The following PSG2 variants were observed in gnomAD, a reference collection of about 807,000 sequenced individuals.
PSG2 encodes pregnancy specific beta-1-glycoprotein 2.
Under a neutral mutation model 36.2 loss-of-function variants are expected in PSG2, and 49 were observed. The observed-to-expected ratio is 1.35, with a 90% CI of 1.08 to 1.72. The LOEUF (loss-of-function observed/expected upper bound fraction) is 1.72. Among genes scored for constraint, PSG2 ranks in the 40% most tolerant of loss-of-function variants. The probability of loss-of-function intolerance (pLI) is 0.00; values close to 1 mark genes in which losing one functional copy is unlikely to be tolerated. For missense variants in PSG2, 605 were observed against 407.2 expected (o/e 1.49, Z -4.18); for synonymous variants, 261 against 155.6 (o/e 1.68, Z -5.04).
chr19:43,068,927 TTC>T (rs1357572851), intron 4 of PSG2, among the ~76,000 whole-genome samples: 3 of 151,642 alleles, frequency 2.0e-5, no homozygotes, highest in African/African-American at 7.3e-5. Context: ...GTAAAATTAT[TTC>T]TGTTTATAGA....
chr19:43,064,871 A>G (rs1042331238), intron 5 of PSG2, among the ~76,000 whole-genome samples: 6 of 151,776 alleles, frequency 4.0e-5, no homozygotes, highest in African/African-American at 1.5e-4. Context: ...TCACTCTGTC[A>G]CCCAGACTGG....
chr19:43,082,122 C>CTCTTTTTT (rs1967987456), intron 1 of PSG2: 1 of 67,942 alleles, frequency 1.5e-5, no homozygotes, highest in Non-Finnish European at 2.7e-5. Flanking sequence ...TTTCTTCTCT[C>CTCTTTTTT]TTTTTTTTTT....
At chr19:43,079,138 G>T (rs1284551158) in intron 2 of PSG2, among the ~76,000 whole-genome samples, 1 of 151,636 alleles carries the variant, frequency 6.6e-6, no homozygotes, top group Non-Finnish European at 1.5e-5. Flanking sequence ...GCAGGACAGG[G>T]CTTGCCAGTC....
chr19:43,080,043 T>A (rs565109948), intron 2 of PSG2, among the ~76,000 whole-genome samples: 1 of 151,862 alleles, frequency 6.6e-6, no homozygotes, highest in East Asian at 1.9e-4. Context: ...GTATTCACAG[T>A]CACTTGATCT....
At chr19:43,076,684 G>A (rs1967900759) in intron 2 of PSG2, among the ~76,000 whole-genome samples, 1 of 151,634 alleles carries the variant, frequency 6.6e-6, no homozygotes, top group Admixed American at 6.6e-5. Flanking sequence ...AGGGGAATAG[G>A]GCGTTGTTCT....
intron 2 of PSG2, among the ~76,000 whole-genome samples, chr19:43,079,031 G>T (rs534818314): frequency 6.6e-6 from 1 of 151,664 alleles, no homozygotes; most frequent in African/African-American, 2.4e-5. Context: ...TTCCTGGGAG[G>T]TTGGCTAGGC....
At chr19:43,068,466 A>G (rs1473127489) in intron 4 of PSG2, among the ~76,000 whole-genome samples, 10 of 147,062 alleles carry the variant, frequency 6.8e-5, no homozygotes, top group Admixed American at 2.0e-4. Flanking sequence ...AAAAAAAAAA[A>G]AAAGAAAGAA....
chr19:43,069,042 G>T (rs117445218), intron 4 of PSG2, among the ~76,000 whole-genome samples: 3 of 151,424 alleles, frequency 2.0e-5, no homozygotes, highest in Non-Finnish European at 4.4e-5. Context: ...GCATTCAAAC[G>T]TCAGTTGTAT....
chr19:43,073,693 G>A (rs1284142919), intron 3 of PSG2, among the ~76,000 whole-genome samples: 1 of 151,656 alleles, frequency 6.6e-6, no homozygotes, highest in South Asian at 2.1e-4. Context: ...AGAATCAGAA[G>A]TTGTTCATGG....
chr19:43,066,933 G>T (rs547148191), intron 4 of PSG2, among the ~76,000 whole-genome samples: 1 of 151,472 alleles, frequency 6.6e-6, no homozygotes, highest in South Asian at 2.1e-4. Context: ...TTTTCTCGGT[G>T]TTTCTGTTGT....
chr19:43,081,324 A>T (rs114194299), intron 1 of PSG2, 78 bp from the exon 2 acceptor site: 157,591 of 1,474,442 alleles, frequency 0.11, 10,183 homozygotes, highest in Admixed American at 0.18. Flanking sequence ...GGTCCTGAGG[A>T]GGTCTCTTCA....
intron 5 of PSG2, among the ~76,000 whole-genome samples, chr19:43,064,861 T>G (rs1387554732): frequency 6.6e-6 from 1 of 151,808 alleles, no homozygotes; most frequent in Non-Finnish European, 1.5e-5. Context: ...AGATGGAGTC[T>G]CACTCTGTCA....
At chr19:43,071,630 T>C (rs1042171818) in intron 4 of PSG2, 70 bp downstream of exon 4, 8 of 1,612,194 alleles carry the variant, frequency 5.0e-6, no homozygotes, top group African/African-American at 2.7e-5. Flanking sequence ...AATGTTTTCC[T>C]GACTCTTCTC....
At chr19:43,068,021 C>A (rs7245718) in intron 4 of PSG2, among the ~76,000 whole-genome samples, 2,067 of 150,956 alleles carry the variant, frequency 0.014, 76 homozygotes, top group African/African-American at 0.046. Flanking sequence ...AGAACGGAAA[C>A]AGAATAGAGG....
chr19:43,081,189 T>C lies in PSG2; in HGVS notation c.122A>G (p.Gln41Arg). 1 of 1,612,772 alleles carries C rather than the reference T, an allele frequency of 6.2e-7. No individual in the cohort carries two copies. The highest frequency in any genetic ancestry group is 8.5e-7 in the Non-Finnish European group (1 of 1,179,628). The change falls in exon 2 of 6, where the codon CAG (glutamine) becomes CGG (arginine). Residue 41 changes from glutamine to arginine, a missense_variant. By Grantham distance (43) the Gln-to-Arg change is conservative. Coordinates refer to ENST00000406487, the MANE Select transcript of PSG2 (RefSeq NM_031246.4). ...PTTAQVTIEA[Q>R]PPKVSEGKDV... ...CTTCCCCTCGGAAACTTTTGGTGGC[T>C]GGGCTTCAATCGTGACTTGGGCAGT...
At chr19:43,072,913 C>G (rs1413033956) in intron 3 of PSG2, among the ~76,000 whole-genome samples, 1 of 151,832 alleles carries the variant, frequency 6.6e-6, no homozygotes, top group East Asian at 1.9e-4. Context: ...CCCCAGTACC[C>G]CTCCCAGTCT....
rs1064918 is a variant in PSG2 at position 43,075,486 on chromosome 19, A to T, written c.577T>A (p.Phe193Ile). ...GTCCTGTTGGTTTCGGACAGCTGAA[A>T]CCTATGAGTCATAGGGAGGCTCTGA... ...NGQSLPMTHR[F>I]QLSETNRTLF... The change falls in exon 3 of 6, where the codon TTT becomes ATT. Residue 193 changes from phenylalanine to isoleucine, a missense_variant. Physicochemically the swap from Phe to Ile is conservative, Grantham distance 21. Transcript: ENST00000406487. The T allele has an allele frequency of 8.7e-6, 14 of 1,612,932 alleles. No individual in the cohort carries two copies. Among genetic ancestry groups the T allele is most frequent in the African/African-American group, 1.3e-5 (1 of 74,368 alleles).
At chr19:43,065,762 C>G (rs1216194422) in intron 5 of PSG2, 1 of 151,788 alleles carries the variant, frequency 6.6e-6, no homozygotes, top group Non-Finnish European at 1.5e-5. Flanking sequence ...CTCAACCACA[C>G]ATAGGTTGTG....
intron 5 of PSG2, 78 bp downstream of exon 5, chr19:43,066,439 G>A (rs1356243154): frequency 4.1e-5 from 44 of 1,070,324 alleles, no homozygotes; most frequent in Middle Eastern, 2.0e-4. Flanking sequence ...CCCAGATACA[G>A]GCAAATAAGT....
Sources: allele counts gnomAD v4.1 joint callset (sites outside exome capture counted in the v4.1 genomes callset), GRCh38; gene constraint gnomAD v4.1.1; transcripts MANE v1.5; gene names NCBI Gene and HGNC (gene_info 2026-07-23, HGNC 2026-07-21).